Variants in PAX5 observed in about 807,000 individuals in gnomAD.
PAX5 encodes the protein paired box 5, also known as paired box protein Pax-5.
Under a neutral mutation model 43.7 loss-of-function variants are expected in PAX5, and 9 were observed. The ratio of observed to expected loss-of-function variants is 0.21; its 90% CI spans 0.12 to 0.36. The LOEUF is 0.36. Ranked by LOEUF, PAX5 falls within the 10% of genes least tolerant of loss-of-function variation. PAX5 has a pLI of 1.00. For synonymous variants in PAX5, 228 were observed against 214.3 expected (o/e 1.06, Z -0.56); for missense variants, 383 against 532.7 (o/e 0.72, Z 2.77).
chr9:37,000,582 G>A lies in PAX5; in HGVS notation c.604+2066C>T, dbSNP rs559114332. On this transcript the variant is annotated intron_variant, in intron 5 of 9. Coordinates refer to ENST00000358127, the MANE Select transcript of PAX5 (RefSeq NM_016734.3). Reference sequence around the variant, plus strand: ...AGCCTGGGCAACATATCAAAACACCGTGTCTATTTATTAAGAAAAAAATTT... The same window carrying A: ...AGCCTGGGCAACATATCAAAACACCATGTCTATTTATTAAGAAAAAAATTT... Among the ~76,000 whole-genome samples, 7 of 152,172 alleles carry A rather than the reference G, an allele frequency of 4.6e-5. No individual in the cohort carries two copies. In the South Asian group the frequency reaches 1.5e-3, roughly 32 times the overall value.
intron 6 of PAX5, among the ~76,000 whole-genome samples, chr9:36,943,082 G>A (rs957776699): frequency 1.7e-4 from 26 of 152,104 alleles, no homozygotes; most frequent in African/African-American, 5.8e-4. Flanking sequence ...CCCTAGCCCT[G>A]CCAAATCCAG....
rs878890565 is a variant in PAX5 at position 37,006,648 on chromosome 9, C to T, written c.411-111G>A. 4 of 840,934 alleles carry T rather than the reference C, an allele frequency of 4.8e-6. No individual in the cohort carries two copies. In the African/African-American group the frequency reaches 5.0e-5, roughly 11 times the overall value. The allele number at this position is 840,934 out of a possible 1,614,324, so 52.1% of individuals were successfully genotyped here. A position where few individuals can be genotyped will look rare whatever the true frequency, so the allele number is the denominator to read the frequency against. On this transcript the variant is annotated intron_variant, in intron 3 of 9. Coordinates refer to ENST00000358127, the MANE Select transcript of PAX5 (RefSeq NM_016734.3). The stretch of plus-strand genomic sequence containing the variant: ...CTCATACCCAAGCTGGGCCATGGTT[C>T]GAGCTGAGGCAGAGGGGCAGAGGTG...
chr9:37,026,847 C>G (rs2132539712), intron 1 of PAX5: 1 of 418,288 alleles, frequency 2.4e-6, no homozygotes, highest in Middle Eastern at 1.2e-3. Context: ...CAAGCAGCAG[C>G]TCCGGGCCCA....
Position 36,834,405 on chromosome 9 carries a change from G to GGGGA in PAX5, c.*6151_*6154dup, listed in dbSNP as rs1383327755. ...GAGTTTCAAGTATGTCTGAGGTGTA[G>GGGGA]GGGAGTGAGTGAGTGTGTGTGTGTG... On this transcript the variant is annotated 3_prime_UTR_variant, in exon 10 of 10. Transcript: ENST00000358127. 2 of 218,900 alleles carry GGGGA rather than the reference G, an allele frequency of 9.1e-6. No individual in the cohort carries two copies. The highest frequency in any genetic ancestry group is 5.0e-5 in the African/African-American group (2 of 39,652). 13.6% of individuals were successfully genotyped at this position (218,900 alleles called of 1,614,324 possible).
intron 6 of PAX5, among the ~76,000 whole-genome samples, chr9:36,937,697 C>G (rs1041072101): frequency 2.0e-5 from 3 of 152,196 alleles, no homozygotes; most frequent in Admixed American, 6.5e-5. Flanking sequence ...TCTATCCACC[C>G]CTTCAAATCC....
In PAX5 at chr9:36,973,090, G is replaced by T. The variant is rs535273244; in HGVS notation, c.605-6366C>A. On this transcript the variant is annotated intron_variant, in intron 5 of 9. Transcript: ENST00000358127. ...GAAAGGAACGGAACGGAACGGAAAGGAAAGGAAAGGAAAGGAAAGGAAAGG... is the reference window on the plus strand; with the variant it reads ...GAAAGGAACGGAACGGAACGGAAAGTAAAGGAAAGGAAAGGAAAGGAAAGG... Among the ~76,000 whole-genome samples, 427 of 80,990 alleles carry T rather than the reference G, an allele frequency of 5.3e-3. 12 individuals are homozygous for T. Among genetic ancestry groups the T allele is most frequent in the African/African-American group, 0.022 (413 of 18,574 alleles). The allele number at this position is 80,990 out of a possible 152,430, so 53.1% of individuals were successfully genotyped here. A position where few individuals can be genotyped will look rare whatever the true frequency, so the allele number is the denominator to read the frequency against.
At chr9:36,962,508 G>A (rs1834058181) in intron 6 of PAX5, among the ~76,000 whole-genome samples, 1 of 152,192 alleles carries the variant, frequency 6.6e-6, no homozygotes, top group Non-Finnish European at 1.5e-5. Flanking sequence ...ATGAGAGGAT[G>A]GATGTGAACG....
At chr9:36,944,113 G>A (rs1832295994) in intron 6 of PAX5, among the ~76,000 whole-genome samples, 1 of 152,194 alleles carries the variant, frequency 6.6e-6, no homozygotes, top group South Asian at 2.1e-4. Flanking sequence ...GTGCCCCGGA[G>A]TTCAAGGTTA....
rs1821529955 is a variant in PAX5 at position 36,834,837 on chromosome 9, G to A, written c.*5723C>T. The A allele has an allele frequency of 6.7e-6, 1 of 148,276 alleles. No homozygotes were observed. The highest frequency in any genetic ancestry group is 2.7e-4 in the South Asian group (1 of 3,726). The allele number at this position is 148,276 out of a possible 1,614,324, so 9.2% of individuals were successfully genotyped here. ...GGGCGACCAGCGGCCATAGCCACAGGGTCACAGGGTGGGGGGCGGGGGTCA... is the reference window on the plus strand; with the variant it reads ...GGGCGACCAGCGGCCATAGCCACAGAGTCACAGGGTGGGGGGCGGGGGTCA... On this transcript the variant is annotated 3_prime_UTR_variant, in exon 10 of 10. Transcript: ENST00000358127.
chr9:37,000,077 C>A (rs540385157), intron 5 of PAX5, among the ~76,000 whole-genome samples: 48 of 152,288 alleles, frequency 3.2e-4, no homozygotes, highest in African/African-American at 1.1e-3. Context: ...CCTCCATCCC[C>A]TCCCCTAGTA....
At chr9:37,016,609 C>T (rs964594123) in intron 2 of PAX5, among the ~76,000 whole-genome samples, 6 of 152,130 alleles carry the variant, frequency 3.9e-5, no homozygotes, top group Admixed American at 6.5e-5. Flanking sequence ...CATCACCAGA[C>T]GTCTCTCTCA....
At chr9:36,944,036 C>T (rs10814481) in intron 6 of PAX5, among the ~76,000 whole-genome samples, 108,697 of 151,822 alleles carry the variant, frequency 0.72, 39,776 homozygotes, top group East Asian at 0.8. Context: ...AATAAAAAAT[C>T]AGCCAGGTAC....
chr9:36,950,619 A>G lies in PAX5; in HGVS notation c.780+15930T>C, dbSNP rs1270665732. ...CTAAGATGAGAGCTGCCTCTCTGTA[A>G]TTTCCACCTAAATCCTGGGTCTGCC... On this transcript the variant is annotated intron_variant, in intron 6 of 9. Transcript: ENST00000358127. 9.2e-5 allele frequency among the ~76,000 whole-genome samples: 14 copies of G among 152,164 alleles called. No homozygotes were observed. In the East Asian group the frequency reaches 2.7e-3, roughly 29 times the overall value.
chr9:36,867,756 T>C (rs890690581), intron 8 of PAX5, among the ~76,000 whole-genome samples: 1 of 152,232 alleles, frequency 6.6e-6, no homozygotes, highest in Non-Finnish European at 1.5e-5. Flanking sequence ...TTTCTTTCTT[T>C]CTTTCAGCCC....
intron 6 of PAX5, among the ~76,000 whole-genome samples, chr9:36,939,128 C>T (rs1831809534): frequency 6.6e-6 from 1 of 152,240 alleles, no homozygotes; most frequent in Admixed American, 6.5e-5. Context: ...CATTCTGTCA[C>T]CAGAAAGGGC....
chr9:36,844,710 G>A (rs1822398182), intron 9 of PAX5, among the ~76,000 whole-genome samples: 1 of 152,180 alleles, frequency 6.6e-6, no homozygotes. Context: ...AATTGGGGCT[G>A]TGAACTAGAT....
chr9:36,959,924 G>A (rs1470912851), intron 6 of PAX5, among the ~76,000 whole-genome samples: 7 of 152,240 alleles, frequency 4.6e-5, no homozygotes, highest in Admixed American at 1.3e-4. Flanking sequence ...CCTGCACAAC[G>A]GGGATGATGG....
intron 6 of PAX5, among the ~76,000 whole-genome samples, chr9:36,938,820 G>A (rs1831784985): frequency 2.0e-5 from 3 of 152,120 alleles, no homozygotes; most frequent in South Asian, 4.1e-4. Context: ...TAATATCCCC[G>A]GCTTTCCAGA....
intron 5 of PAX5, among the ~76,000 whole-genome samples, chr9:36,999,465 A>C (rs1172218528): frequency 6.6e-6 from 1 of 152,142 alleles, no homozygotes; most frequent in African/African-American, 2.4e-5. Flanking sequence ...GGATCCTATC[A>C]CCCGTTCACC....
Sources: gnomAD v4.1 joint callset for allele counts (sites outside exome capture counted in the v4.1 genomes callset) on GRCh38, gnomAD v4.1.1 for gene constraint, MANE v1.5 for transcripts, NCBI Gene and HGNC (gene_info 2026-07-23, HGNC 2026-07-21) for gene names.